NFIA: variants seen among roughly 807,000 people sequenced by gnomAD.
NFIA encodes the protein nuclear factor 1 A-type.
NFIA carries 8 observed loss-of-function variants against 62.8 expected under a neutral mutation model. That is an observed-to-expected ratio of 0.13 (90% CI 0.07 to 0.23). The LOEUF is 0.23. Ranked by LOEUF, NFIA falls within the 10% of genes least tolerant of loss-of-function variation. The probability of loss-of-function intolerance (pLI) is 1.00; values close to 1 mark genes in which losing one functional copy is unlikely to be tolerated. For missense variants in NFIA, 410 were observed against 642.1 expected, an observed-to-expected ratio of 0.64 and a Z score of 3.91; for synonymous variants, 235 against 238.1, an observed-to-expected ratio of 0.99 and a Z score of 0.12.
chr1:61,371,719 G>T (rs1192021425), intron 6 of NFIA, among the ~76,000 whole-genome samples: 1 of 152,152 alleles, frequency 6.6e-6, no homozygotes, highest in African/African-American at 2.4e-5. Context: ...CAAGGGTCAG[G>T]TTGGTGGCAA....
intron 7 of NFIA, among the ~76,000 whole-genome samples, chr1:61,389,716 CATAAT>C (rs1195366592): frequency 2.7e-5 from 4 of 150,682 alleles, no homozygotes; most frequent in Non-Finnish European, 5.9e-5. Context: ...TTTTGATAAT[CATAAT>C]ATAACCTGTG....
chr1:61,401,390 C>T (rs774579681), intron 7 of NFIA, among the ~76,000 whole-genome samples: 1 of 152,084 alleles, frequency 6.6e-6, no homozygotes, highest in Non-Finnish European at 1.5e-5. Context: ...AAACGAAGGT[C>T]TAAATTTAAG....
At chr1:61,329,057 T>C (rs1248015326) in intron 3 of NFIA, among the ~76,000 whole-genome samples, 1 of 147,406 alleles carries the variant, frequency 6.8e-6, no homozygotes. Flanking sequence ...TTCTTTTTTT[T>C]TTTTTTTTGA....
intron 2 of NFIA, among the ~76,000 whole-genome samples, chr1:61,163,793 C>T (rs1649383828): frequency 6.6e-6 from 1 of 152,094 alleles, no homozygotes; most frequent in African/African-American, 2.4e-5. Context: ...ATGCTGGGGT[C>T]TTAAAATGCT....
At chr1:61,140,157 A>G (rs1463467609) in intron 2 of NFIA, among the ~76,000 whole-genome samples, 1 of 152,126 alleles carries the variant, frequency 6.6e-6, no homozygotes, top group African/African-American at 2.4e-5. Flanking sequence ...TAAGTACTGA[A>G]AATTGGCCCA....
intron 1 of NFIA, among the ~76,000 whole-genome samples, chr1:61,083,839 C>T (rs940419542): frequency 3.9e-5 from 6 of 152,042 alleles, no homozygotes; most frequent in Non-Finnish European, 7.4e-5. Context: ...AACTTTTCCC[C>T]TCCGACTCAA....
Position 61,088,691 on chromosome 1 carries a change from T to C in NFIA, c.559+11T>C. The C allele has an allele frequency of 1.3e-6, 2 of 1,599,506 alleles. No homozygotes were observed. The highest frequency in any genetic ancestry group is 1.7e-6 in the Non-Finnish European group (2 of 1,172,078). The stretch of plus-strand genomic sequence containing the variant: ...TTGTGCATGCAGCAGGTAAGTGCGA[T>C]GGTGAGAATTCCTCCCACTTTCTTG... On this transcript the variant is annotated intron_variant, in intron 2 of 10. Transcript: ENST00000403491. This position sits in a 1 kb window ranked among gnomAD's most constrained non-coding sequence, Gnocchi z 4.5.
intron 4 of NFIA, among the ~76,000 whole-genome samples, chr1:61,342,585 G>A (rs1179948024): frequency 6.6e-6 from 1 of 152,210 alleles, no homozygotes; most frequent in Non-Finnish European, 1.5e-5. Flanking sequence ...TAGACCAAGT[G>A]GCAGGGCCCT....
At chr1:61,418,850 A>G (rs1666476411) in intron 9 of NFIA, among the ~76,000 whole-genome samples, 1 of 152,200 alleles carries the variant, frequency 6.6e-6, no homozygotes, top group African/African-American at 2.4e-5. Context: ...GTCTTTCAAG[A>G]GGGAGCAATC....
intron 2 of NFIA, among the ~76,000 whole-genome samples, chr1:61,184,877 A>G (rs1022083908): frequency 1.3e-5 from 2 of 152,220 alleles, no homozygotes; most frequent in African/African-American, 4.8e-5. Flanking sequence ...AAAACAGAGG[A>G]GTTTAAAGTT....
At chr1:61,247,356 G>GAAAGCAGT (rs1317923282) in intron 2 of NFIA, among the ~76,000 whole-genome samples, 7 of 152,210 alleles carry the variant, frequency 4.6e-5, no homozygotes, top group Non-Finnish European at 8.8e-5. Flanking sequence ...CTGAAGAACT[G>GAAAGCAGT]GGCTTTCAGA....
At chr1:61,452,003 G>C (rs1358809656) in intron 10 of NFIA, among the ~76,000 whole-genome samples, 1 of 152,158 alleles carries the variant, frequency 6.6e-6, no homozygotes, top group Non-Finnish European at 1.5e-5. Context: ...GACCCAAGAA[G>C]AAAATATGCA....
In NFIA at chr1:61,305,888, C is replaced by T. The variant is rs145089782; in HGVS notation, c.626-26624C>T. ...TCTGAGACAGAGTCTCACTCTGTCG[C>T]CCAGGCCGAAGTGCAGTGGTGTGAT... On this transcript the variant is annotated intron_variant, in intron 3 of 10. Transcript: ENST00000403491. 4.8e-3 allele frequency among the ~76,000 whole-genome samples: 724 copies of T among 149,616 alleles called. 5 individuals carry two copies. Among genetic ancestry groups the T allele is most frequent in the African/African-American group, 0.016 (666 of 40,566 alleles).
chr1:61,374,498 G>C (rs1664053351), intron 6 of NFIA, among the ~76,000 whole-genome samples: 1 of 152,034 alleles, frequency 6.6e-6, no homozygotes, highest in Non-Finnish European at 1.5e-5. Context: ...TTTTATTTTT[G>C]GCCCAGAAAC....
chr1:61,447,142 A>C (rs1235910323), intron 10 of NFIA, among the ~76,000 whole-genome samples: 2 of 152,224 alleles, frequency 1.3e-5, no homozygotes, highest in African/African-American at 4.8e-5. Flanking sequence ...AAATTTAAAA[A>C]AAAATTGTGA....
chr1:61,093,158 A>G (rs1005813175), intron 2 of NFIA, among the ~76,000 whole-genome samples: 1 of 152,182 alleles, frequency 6.6e-6, no homozygotes, highest in Non-Finnish European at 1.5e-5. Flanking sequence ...AATATATTCA[A>G]TATATTCTTT....
chr1:61,229,765 TA>T (rs1362347318), intron 2 of NFIA, among the ~76,000 whole-genome samples: 1 of 152,162 alleles, frequency 6.6e-6, no homozygotes, highest in Non-Finnish European at 1.5e-5. Flanking sequence ...AAAACCTTAC[TA>T]AAAATCATGT....
chr1:61,226,228 TG>T (rs1654322740), intron 2 of NFIA, among the ~76,000 whole-genome samples: 3 of 152,344 alleles, frequency 2.0e-5, no homozygotes, highest in Admixed American at 2.0e-4. Context: ...AGCAGCCACT[TG>T]GTAAAGCCTG....
At chr1:61,264,424 G>C (rs1253520945) in intron 2 of NFIA, among the ~76,000 whole-genome samples, 1 of 151,928 alleles carries the variant, frequency 6.6e-6, no homozygotes, top group Non-Finnish European at 1.5e-5. Flanking sequence ...CGGGTGGATT[G>C]CTTGAGCTCA....
Sources: gnomAD v4.1 joint callset for allele counts (sites outside exome capture counted in the v4.1 genomes callset) on GRCh38, gnomAD v4.1.1 for gene constraint, Gnocchi (gnomAD v3.1) non-coding constraint, MANE v1.5 for transcripts, NCBI Gene and HGNC (gene_info 2026-07-23, HGNC 2026-07-21) for gene names.